Variants in AK5 observed in about 807,000 individuals in gnomAD.
AK5 encodes adenylate kinase 5, also known as adenylate kinase isoenzyme 5.
AK5 carries 27 observed loss-of-function variants against 69.5 expected under a neutral mutation model. The ratio of observed to expected loss-of-function variants is 0.39; its 90% CI spans 0.29 to 0.54. The LOEUF (loss-of-function observed/expected upper bound fraction) is 0.54, where lower values mean the gene tolerates loss of function less well. AK5 is among the 20% of genes least tolerant of loss of function. The probability of loss-of-function intolerance (pLI) is 0.71; values close to 1 mark genes in which losing one functional copy is unlikely to be tolerated. For missense variants in AK5, 531 were observed against 700.4 expected (o/e 0.76, Z 2.73); for synonymous variants, 260 against 244.4 (o/e 1.06, Z -0.60).
intron 8 of AK5, among the ~76,000 whole-genome samples, chr1:77,434,107 CATAAATAA>C (rs144552494): frequency 0.052 from 7,396 of 143,512 alleles, 308 homozygotes; most frequent in East Asian, 0.16. Context: ...GAGTGCAAAG[CATAAATAA>C]ATAAATAAAT....
chr1:77,386,780 T>C (rs964942551), intron 6 of AK5, among the ~76,000 whole-genome samples: 1 of 152,192 alleles, frequency 6.6e-6, no homozygotes, highest in African/African-American at 2.4e-5. Flanking sequence ...TACTCTGTTA[T>C]CAACATCATT....
intron 12 of AK5, among the ~76,000 whole-genome samples, chr1:77,533,740 T>C (rs569513055): frequency 6.6e-6 from 1 of 152,240 alleles, no homozygotes; most frequent in African/African-American, 2.4e-5. Context: ...TGTTTGTACC[T>C]GTGTCCCTGA....
chr1:77,502,081 C>A (rs568553755), intron 10 of AK5, among the ~76,000 whole-genome samples: 2 of 152,208 alleles, frequency 1.3e-5, no homozygotes, highest in African/African-American at 4.8e-5. Flanking sequence ...ATAACAATTG[C>A]CCCACTTGGA....
chr1:77,413,312 A>C (rs1055284721), intron 7 of AK5, among the ~76,000 whole-genome samples: 2 of 152,028 alleles, frequency 1.3e-5, no homozygotes, highest in Non-Finnish European at 2.9e-5. Flanking sequence ...AACCCCATAG[A>C]GCCCCATCCT....
chr1:77,295,679 TTTG>T (rs1658958620), intron 3 of AK5, among the ~76,000 whole-genome samples: 1 of 152,162 alleles, frequency 6.6e-6, no homozygotes, highest in Non-Finnish European at 1.5e-5. Context: ...TTCTTTCTAT[TTTG>T]TTGTTCTTGC....
At chr1:77,343,283 C>T (rs1049521383) in intron 6 of AK5, among the ~76,000 whole-genome samples, 4 of 152,144 alleles carry the variant, frequency 2.6e-5, no homozygotes, top group African/African-American at 9.7e-5. Flanking sequence ...CCACAGAGAC[C>T]ATGTCCCTGT....
At chr1:77,283,277 C>T in intron 1 of AK5, 1 of 985,438 alleles carries the variant, frequency 1.0e-6, no homozygotes, top group Non-Finnish European at 1.2e-6. Flanking sequence ...ATCTCAAGTG[C>T]TTTTGCTTGA....
chr1:77,537,161 C>T (rs1659016445), intron 13 of AK5, among the ~76,000 whole-genome samples: 1 of 152,036 alleles, frequency 6.6e-6, no homozygotes, highest in African/African-American at 2.4e-5. Flanking sequence ...CCCTTTCCTC[C>T]AGTGTAAGGG....
At chr1:77,294,046 C>A in intron 3 of AK5, 86 bp downstream of exon 3, 1 of 1,215,084 alleles carries the variant, frequency 8.2e-7, no homozygotes, top group Non-Finnish European at 1.1e-6. Flanking sequence ...CATATATGTG[C>A]AAATAGTTGG....
intron 5 of AK5, among the ~76,000 whole-genome samples, chr1:77,308,782 A>G (rs919049945): frequency 6.6e-6 from 1 of 152,196 alleles, no homozygotes; most frequent in Non-Finnish European, 1.5e-5. Context: ...CAGCCTGGGC[A>G]ACATGGCAAA....
chr1:77,504,778 C>T (rs910456730), intron 10 of AK5, among the ~76,000 whole-genome samples: 5 of 152,206 alleles, frequency 3.3e-5, no homozygotes, highest in Non-Finnish European at 5.9e-5. Flanking sequence ...TTTTTAACTT[C>T]CATAGATGGA....
At chr1:77,384,080 CA>C (rs1283971433) in intron 6 of AK5, among the ~76,000 whole-genome samples, 8 of 152,054 alleles carry the variant, frequency 5.3e-5, no homozygotes, top group Non-Finnish European at 8.8e-5. Context: ...AGCATAATAG[CA>C]GGCCCTTATT....
At chr1:77,557,919 C>T (rs575917483) in intron 13 of AK5, among the ~76,000 whole-genome samples, 96 of 149,836 alleles carry the variant, frequency 6.4e-4, no homozygotes, top group African/African-American at 2.2e-3. Flanking sequence ...CTCTGTTCAT[C>T]GATCATTGAT....
intron 12 of AK5, chr1:77,532,391 C>T (rs1435408657): frequency 1.3e-5 from 2 of 152,456 alleles, no homozygotes; most frequent in African/African-American, 4.8e-5. Flanking sequence ...CCCCACCCCC[C>T]TCTCCTGGTT....
chr1:77,314,386 A>C lies in AK5; in HGVS notation c.699+16439A>C, dbSNP rs1660127475. 2 of 139,130 alleles carry C rather than the reference A, an allele frequency of 1.4e-5. 1 individual carries two copies. The highest frequency in any genetic ancestry group is 4.8e-4 in the South Asian group (2 of 4,176). The allele number at this position is 139,130 out of a possible 1,614,324, so 8.6% of individuals were successfully genotyped here. A position where few individuals can be genotyped will look rare whatever the true frequency, so the allele number is the denominator to read the frequency against. On this transcript the variant is annotated intron_variant, in intron 5 of 13. Transcript: ENST00000354567. ...CCTAAAATCAACTCATACTAAATGA[A>C]TCAAACAAACGACAACCAAAAAAAT...
intron 6 of AK5, among the ~76,000 whole-genome samples, chr1:77,349,038 C>T (rs567549002): frequency 7.9e-5 from 12 of 151,784 alleles, no homozygotes; most frequent in African/African-American, 2.9e-4. Context: ...TAAATGTCCC[C>T]CCTCCAAAAA....
chr1:77,289,440 T>C (rs974035793), intron 2 of AK5, among the ~76,000 whole-genome samples: 2 of 152,158 alleles, frequency 1.3e-5, no homozygotes, highest in African/African-American at 4.8e-5. Flanking sequence ...CCCCATACTT[T>C]TGTTACATCA....
intron 10 of AK5, among the ~76,000 whole-genome samples, chr1:77,502,548 T>C (rs898407218): frequency 4.6e-5 from 7 of 152,188 alleles, no homozygotes; most frequent in African/African-American, 1.7e-4. Flanking sequence ...AGAAAGTAGA[T>C]AACATGTTTC....
intron 1 of AK5, chr1:77,283,580 GT>G (rs1161773807): frequency 1.0e-6 from 1 of 985,260 alleles, no homozygotes; most frequent in Non-Finnish European, 1.2e-6. Context: ...ATAAGCCACC[GT>G]TTTCAGGTCA....
Sources: gnomAD v4.1 joint callset for allele counts (sites outside exome capture counted in the v4.1 genomes callset) on GRCh38, gnomAD v4.1.1 for gene constraint, MANE v1.5 for transcripts, NCBI Gene and HGNC (gene_info 2026-07-23, HGNC 2026-07-21) for gene names.